TANC1: variants seen among roughly 807,000 people sequenced by gnomAD.
TANC1 encodes tetratricopeptide repeat, ankyrin repeat and coiled-coil containing 1, also known as protein TANC1.
Under a neutral mutation model 149.7 loss-of-function variants are expected in TANC1, and 77 were observed. The ratio of observed to expected loss-of-function variants is 0.51; its 90% CI spans 0.43 to 0.62. TANC1 has a LOEUF of 0.62. Ranked by LOEUF, TANC1 falls within the 20% of genes least tolerant of loss-of-function variation. The probability of loss-of-function intolerance (pLI) is 0.00; values close to 1 mark genes in which losing one functional copy is unlikely to be tolerated. For missense variants in TANC1, 1,985 were observed against 2,321.8 expected (o/e 0.85, Z 2.98); for synonymous variants, 854 against 925.0 (o/e 0.92, Z 1.39).
Position 159,163,276 on chromosome 2 carries a change from A to C in TANC1, c.683-7A>C, listed in dbSNP as rs761129095. On this transcript the variant is annotated splice_region_variant and splice_polypyrimidine_tract_variant and intron_variant, in intron 7 of 26. Coordinates refer to ENST00000263635, the MANE Select transcript of TANC1 (RefSeq NM_033394.3). ...CTCCTTCAAAGTATTTTGGTCTTTC[A>C]TTTCAGCCACAATTACAAGTTCATC... 2 of 1,610,978 alleles carry C rather than the reference A, an allele frequency of 1.2e-6. No homozygotes were observed.
chr2:158,981,503 A>T (rs1238544978), intron 1 of TANC1, among the ~76,000 whole-genome samples: 4 of 55,320 alleles, frequency 7.2e-5, no homozygotes, highest in East Asian at 9.3e-4. Context: ...ATATATATAT[A>T]TATATATATA....
chr2:159,059,779 G>A (rs891482443), intron 2 of TANC1, among the ~76,000 whole-genome samples: 10 of 151,790 alleles, frequency 6.6e-5, no homozygotes, highest in African/African-American at 2.4e-4. Flanking sequence ...CAGCCTCCTA[G>A]GATCTCCTAG....
chr2:159,105,672 C>T (rs1368364205), intron 4 of TANC1, among the ~76,000 whole-genome samples: 1 of 152,186 alleles, frequency 6.6e-6, no homozygotes, highest in Non-Finnish European at 1.5e-5. Context: ...CACATTTGCC[C>T]ATTCCCCCAG....
intron 19 of TANC1, among the ~76,000 whole-genome samples, chr2:159,213,487 A>C (rs1398352349): frequency 6.6e-6 from 1 of 151,448 alleles, no homozygotes; most frequent in Non-Finnish European, 1.5e-5. Context: ...AATGGTATTT[A>C]TGTCAGTTTT....
chr2:159,106,420 G>A (rs2047189305), intron 4 of TANC1, among the ~76,000 whole-genome samples: 1 of 152,238 alleles, frequency 6.6e-6, no homozygotes, highest in East Asian at 1.9e-4. Flanking sequence ...ATAATATGTG[G>A]TATTTTGTGA....
At chr2:158,993,920 A>G (rs893850282) in intron 1 of TANC1, among the ~76,000 whole-genome samples, 6 of 152,234 alleles carry the variant, frequency 3.9e-5, no homozygotes, top group African/African-American at 1.4e-4. Flanking sequence ...TTTGGCCAAT[A>G]TCTACAGTGT....
At chr2:159,201,814 G>C (rs1404128525) in intron 19 of TANC1, among the ~76,000 whole-genome samples, 1 of 152,228 alleles carries the variant, frequency 6.6e-6, no homozygotes, top group Non-Finnish European at 1.5e-5. Context: ...GCTGTGAACA[G>C]CTTGGCTTTA....
chr2:159,122,077 A>G (rs1453718346), intron 4 of TANC1, among the ~76,000 whole-genome samples: 1 of 152,218 alleles, frequency 6.6e-6, no homozygotes, highest in Non-Finnish European at 1.5e-5. Context: ...ACATGGGACT[A>G]CAGGCACACG....
intron 2 of TANC1, among the ~76,000 whole-genome samples, chr2:159,037,132 T>C (rs960919556): frequency 7.2e-5 from 11 of 152,188 alleles, no homozygotes; most frequent in Admixed American, 4.6e-4. Context: ...CATTTTTTCA[T>C]GTGTCTGTTG....
At chr2:159,133,453 T>C (rs1368930105) in intron 4 of TANC1, among the ~76,000 whole-genome samples, 1 of 151,744 alleles carries the variant, frequency 6.6e-6, no homozygotes, top group East Asian at 1.9e-4. Context: ...CTCCTGGGCT[T>C]ACAAGACCCT....
intron 4 of TANC1, among the ~76,000 whole-genome samples, chr2:159,134,129 C>T (rs2050401415): frequency 6.6e-6 from 1 of 152,148 alleles, no homozygotes; most frequent in African/African-American, 2.4e-5. Flanking sequence ...GGCTATGGCC[C>T]AGGGCTAAGA....
chr2:159,059,089 A>G (rs2042048727), intron 2 of TANC1, among the ~76,000 whole-genome samples: 1 of 77,568 alleles, frequency 1.3e-5, no homozygotes, highest in South Asian at 4.3e-4. Context: ...TATAAAGAAT[A>G]GAATAGTAGA....
At chr2:159,097,585 T>C (rs377187467) in intron 3 of TANC1, 52 bp from the exon 4 acceptor site, 20 of 1,396,354 alleles carry the variant, frequency 1.4e-5, no homozygotes, top group Non-Finnish European at 2.0e-5. Flanking sequence ...TAAATTTGCA[T>C]CAACTTATAA....
chr2:159,123,202 G>C (rs992076670), intron 4 of TANC1, among the ~76,000 whole-genome samples: 1 of 152,190 alleles, frequency 6.6e-6, no homozygotes, highest in Non-Finnish European at 1.5e-5. Context: ...AGGTAGGTGT[G>C]AGGATGGGGC....
At chr2:159,035,508 C>G (rs2149497397) in intron 2 of TANC1, among the ~76,000 whole-genome samples, 1 of 152,244 alleles carries the variant, frequency 6.6e-6, no homozygotes, top group African/African-American at 2.4e-5. Context: ...TTCTGAAGAA[C>G]AACAACAAAA....
intron 1 of TANC1, among the ~76,000 whole-genome samples, chr2:158,969,330 G>A (rs2032474196): frequency 6.6e-6 from 1 of 152,246 alleles, no homozygotes; most frequent in Admixed American, 6.5e-5. Context: ...CCGGAGGCAT[G>A]GTATTGCCCC....
At chr2:159,203,430 C>T (rs141208908) in intron 19 of TANC1, among the ~76,000 whole-genome samples, 2,751 of 152,214 alleles carry the variant, frequency 0.018, 71 homozygotes, top group African/African-American at 0.062. Flanking sequence ...TGGTCTCCAT[C>T]TCCTGACCTC....
chr2:159,102,329 G>T (rs1023285184), intron 4 of TANC1, among the ~76,000 whole-genome samples: 7 of 151,870 alleles, frequency 4.6e-5, no homozygotes, highest in African/African-American at 1.7e-4. Flanking sequence ...ACCCAGGCTG[G>T]AGTGCAGTGG....
intron 3 of TANC1, among the ~76,000 whole-genome samples, chr2:159,090,585 C>G (rs1035094444): frequency 6.6e-6 from 1 of 152,180 alleles, no homozygotes; most frequent in Non-Finnish European, 1.5e-5. Flanking sequence ...CCACGGAATT[C>G]AAGCTGCAGT....
Sources: gnomAD v4.1 joint callset for allele counts (sites outside exome capture counted in the v4.1 genomes callset) on GRCh38, gnomAD v4.1.1 for gene constraint, MANE v1.5 for transcripts, NCBI Gene and HGNC (gene_info 2026-07-23, HGNC 2026-07-21) for gene names.